The following ADRA1A variants were observed in gnomAD, a reference collection of about 807,000 sequenced individuals.
ADRA1A encodes the protein adrenoceptor alpha 1A.
A neutral mutation model predicts 29.6 loss-of-function variants in ADRA1A; 31 were observed. That is an observed-to-expected ratio of 1.05 (90% CI 0.79 to 1.41). The LOEUF is 1.41. ADRA1A is among the 40% of genes most tolerant of loss of function. ADRA1A has a pLI of 0.00. For missense variants in ADRA1A, 619 were observed against 601.1 expected, an observed-to-expected ratio of 1.03 and a Z score of -0.31; for synonymous variants, 311 against 254.3, an observed-to-expected ratio of 1.22 and a Z score of -2.12.
At chr8:26,748,501 GAGGCTGAGGC>G (rs1381309164) in exon 3 of ADRA1A, 2 of 270,640 alleles carry the variant, frequency 7.4e-6, no homozygotes, top group East Asian at 2.7e-4. Flanking sequence ...AGCACTTTGG[GAGGCTGAGGC>G]AGGCAGATCA....
At chr8:26,824,988 G>A (rs1407018592) in intron 2 of ADRA1A, among the ~76,000 whole-genome samples, 2 of 152,144 alleles carry the variant, frequency 1.3e-5, no homozygotes, top group Non-Finnish European at 2.9e-5. Flanking sequence ...GATTTTGATG[G>A]CATCGTAGTT....
At chr8:26,802,274 C>T (rs952829148) in intron 2 of ADRA1A, among the ~76,000 whole-genome samples, 9 of 152,124 alleles carry the variant, frequency 5.9e-5, no homozygotes, top group African/African-American at 2.2e-4. Flanking sequence ...AAACAATCTA[C>T]AAAGTGAAGA....
intron 2 of ADRA1A, among the ~76,000 whole-genome samples, chr8:26,840,362 C>T (rs1160219392): frequency 3.9e-5 from 6 of 152,006 alleles, no homozygotes; most frequent in Admixed American, 6.6e-5. Flanking sequence ...GTATTTGTCC[C>T]GGGAGATCCA....
intron 2 of ADRA1A, among the ~76,000 whole-genome samples, chr8:26,782,215 A>G (rs1212399470): frequency 1.3e-5 from 2 of 152,228 alleles, no homozygotes; most frequent in Non-Finnish European, 1.5e-5. Context: ...CTTTCTCCCC[A>G]GCCACTTGGG....
intron 2 of ADRA1A, among the ~76,000 whole-genome samples, chr8:26,853,413 A>G (rs1450217360): frequency 6.6e-6 from 1 of 152,238 alleles, no homozygotes; most frequent in Non-Finnish European, 1.5e-5. Flanking sequence ...ATGAATGTAC[A>G]ATAGACAAAA....
At chr8:26,850,085 G>T (rs1812515726) in intron 2 of ADRA1A, among the ~76,000 whole-genome samples, 1 of 149,470 alleles carries the variant, frequency 6.7e-6, no homozygotes, top group Non-Finnish European at 1.5e-5. Context: ...GAAATTCCAA[G>T]AGGAAGATCA....
chr8:26,749,856 T>C (rs1804848563), intron 2 of ADRA1A, among the ~76,000 whole-genome samples: 1 of 152,194 alleles, frequency 6.6e-6, no homozygotes, highest in Admixed American at 6.5e-5. Context: ...CCTATCTCCA[T>C]TGCTTTACGA....
rs1347618238 is a variant in ADRA1A at position 26,866,426 on chromosome 8, C to T, written c.-687+510G>A. ...GAGGGAGCTTTGCAAGTGACAGTCACTGCGGATTTTGCAGGCGTAAACATT... is the reference window on the plus strand; with the variant it reads ...GAGGGAGCTTTGCAAGTGACAGTCATTGCGGATTTTGCAGGCGTAAACATT... On this transcript the variant is annotated intron_variant, in intron 1 of 2. Coordinates refer to ENST00000380573, the MANE Select transcript of ADRA1A (RefSeq NM_000680.4). This position sits in a 1 kb window ranked among gnomAD's most constrained non-coding sequence, Gnocchi z 5.7. Among the ~76,000 whole-genome samples, 3 of 152,170 alleles carry T rather than the reference C, an allele frequency of 2.0e-5. No individual in the cohort carries two copies. The highest frequency in any genetic ancestry group is 4.4e-5 in the Non-Finnish European group (3 of 68,036).
chr8:26,806,752 T>C lies in ADRA1A; in HGVS notation c.884-36086A>G, dbSNP rs896691331. On this transcript the variant is annotated intron_variant, in intron 2 of 2. Transcript: ENST00000380573. This position sits in a 1 kb window ranked among gnomAD's most constrained non-coding sequence, Gnocchi z 4.6. ...CTGCCACATGCCTGGAAGGAGGAAA[T>C]AGGAAGAGCACGTGCAGTGGCTGCT... 1.3e-5 allele frequency among the ~76,000 whole-genome samples: 2 copies of C among 151,822 alleles called. No homozygotes were observed. Among genetic ancestry groups the C allele is most frequent in the Non-Finnish European group, 1.5e-5 (1 of 67,970 alleles).
rs1810525815 is a variant in ADRA1A, at chr8:26,825,945, AT to A, written c.883+38141del. Among the ~76,000 whole-genome samples, 1 of 152,228 alleles carries A rather than the reference AT, an allele frequency of 6.6e-6. No homozygotes were observed. The highest frequency in any genetic ancestry group is 6.5e-5 in the Admixed American group (1 of 15,282). ...CCAAGTGCTGAGCTGGGCACTGGCC[AT>A]GCCAAAAACACATAAACACATTCTG... On this transcript the variant is annotated intron_variant, in intron 2 of 2. Transcript: ENST00000380573. The surrounding 1 kb of genome is among the most constrained non-coding windows in gnomAD (Gnocchi z 5.7).
chr8:26,776,573 C>T (rs144630031), intron 2 of ADRA1A, among the ~76,000 whole-genome samples: 224 of 152,320 alleles, frequency 1.5e-3, no homozygotes, highest in African/African-American at 5.2e-3. Flanking sequence ...TCGGCTCCAC[C>T]TCACCCATTT....
intron 2 of ADRA1A, among the ~76,000 whole-genome samples, chr8:26,797,115 C>T (rs1029736596): frequency 6.6e-6 from 1 of 151,992 alleles, no homozygotes; most frequent in Non-Finnish European, 1.5e-5. Flanking sequence ...GTTATTGTAA[C>T]AGATTAAATG....
downstream of ADRA1A, among the ~76,000 whole-genome samples, chr8:26,751,973 C>T (rs183958682): frequency 1.5e-3 from 233 of 152,260 alleles, no homozygotes; most frequent in African/African-American, 5.5e-3. Context: ...CTCTTCCCAA[C>T]AGTGTGTTCA....
intron 2 of ADRA1A, among the ~76,000 whole-genome samples, chr8:26,771,557 C>T (rs999390812): frequency 1.4e-4 from 22 of 152,362 alleles, no homozygotes; most frequent in African/African-American, 5.0e-4. Flanking sequence ...GAGACTGCCA[C>T]AGGGCATTTC....
chr8:26,817,222 A>G (rs571282143), intron 2 of ADRA1A, among the ~76,000 whole-genome samples: 1 of 152,378 alleles, frequency 6.6e-6, no homozygotes, highest in African/African-American at 2.4e-5. Context: ...TAGAATTGAA[A>G]TAAATATTGG....
exon 3 of ADRA1A, chr8:26,756,739 T>C: frequency 6.2e-7 from 1 of 1,614,150 alleles, no homozygotes; most frequent in Non-Finnish European, 8.5e-7. Context: ...AGGACAACAG[T>C]CGTGGACGGG....
rs115681435 is a variant in ADRA1A, at chr8:26,756,856, C to T, written c.1270-77G>A. 2,908 of 1,565,624 alleles carry T rather than the reference C, an allele frequency of 1.9e-3. 60 individuals are homozygous for T. In the African/African-American group the frequency reaches 0.037, roughly 20 times the overall value. On this transcript the variant is annotated intron_variant, in intron 2 of 2. Transcript: ENST00000380582. ...CCTAGGCATCATGCATCAATGTGAT[C>T]ACAATTTTATCCTTTTGTAGAGTAA...
intron 2 of ADRA1A, among the ~76,000 whole-genome samples, chr8:26,845,712 T>C (rs745864111): frequency 6.6e-6 from 1 of 152,110 alleles, no homozygotes; most frequent in Non-Finnish European, 1.5e-5. Context: ...AACAGATAAA[T>C]AAAATATGGT....
intron 2 of ADRA1A, among the ~76,000 whole-genome samples, chr8:26,857,061 G>T (rs1033912002): frequency 6.6e-6 from 1 of 152,162 alleles, no homozygotes; most frequent in Non-Finnish European, 1.5e-5. Flanking sequence ...ACCTAGGCTG[G>T]TCTCCTGACT....
Sources: gnomAD v4.1 joint callset for allele counts (sites outside exome capture counted in the v4.1 genomes callset) on GRCh38, gnomAD v4.1.1 for gene constraint, Gnocchi (gnomAD v3.1) non-coding constraint, MANE v1.5 for transcripts, NCBI Gene and HGNC (gene_info 2026-07-23, HGNC 2026-07-21) for gene names.